CARM1: variants seen among roughly 807,000 people sequenced by gnomAD.
The protein encoded by CARM1 is coactivator associated arginine methyltransferase 1, also known as histone-arginine methyltransferase CARM1.
A neutral mutation model predicts 72.7 loss-of-function variants in CARM1; 14 were observed. That is an observed-to-expected ratio of 0.19 (90% CI 0.13 to 0.30). CARM1 has a LOEUF of 0.30. Ranked by LOEUF, CARM1 falls within the 10% of genes least tolerant of loss-of-function variation. CARM1 has a pLI of 1.00. For missense variants in CARM1, 432 were observed against 833.7 expected (o/e 0.52, Z 5.93); for synonymous variants, 333 against 345.5 (o/e 0.96, Z 0.40).
At chr19:10,874,995 G>A (rs1477127985) in intron 1 of CARM1, among the ~76,000 whole-genome samples, 1 of 151,326 alleles carries the variant, frequency 6.6e-6, no homozygotes, top group Non-Finnish European at 1.5e-5. Context: ...CTGCATGTCA[G>A]CCTGGGTGAC....
intron 1 of CARM1, among the ~76,000 whole-genome samples, chr19:10,889,941 GGGGCCATAAAT>G (rs1263246539): frequency 6.6e-6 from 1 of 152,166 alleles, no homozygotes; most frequent in East Asian, 1.9e-4. Flanking sequence ...GGCTTTTGGA[GGGGCCATAAAT>G]GGCCTGAAAA....
In CARM1 at chr19:10,922,061, T is replaced by A; in HGVS notation, c.*304T>A. ...TTGTCATCTGCTGGAACAGGCGCCA[T>A]GGGGCCTGCCAGCCCTGCCTGCCAG... On this transcript the variant is annotated 3_prime_UTR_variant, in exon 16 of 16. Coordinates refer to ENST00000327064, the MANE Select transcript of CARM1 (RefSeq NM_199141.2). 1 of 224,926 alleles carries A rather than the reference T, an allele frequency of 4.4e-6. No individual in the cohort carries two copies. The allele number at this position is 224,926 out of a possible 1,614,324, so 13.9% of individuals were successfully genotyped here.
intron 1 of CARM1, among the ~76,000 whole-genome samples, chr19:10,895,374 G>C (rs1057180248): frequency 2.6e-5 from 4 of 152,226 alleles, no homozygotes; most frequent in Non-Finnish European, 5.9e-5. Context: ...CAAAGTGCTG[G>C]GATTACAGGC....
In CARM1 at chr19:10,912,392, G is replaced by T. The variant is rs1272339438; in HGVS notation, c.669+98G>T. 1.5e-5 allele frequency: 13 copies of T among 844,684 alleles called. No homozygotes were observed. The Admixed American group carries it at 2.4e-4, about 15-fold the overall frequency. The allele number at this position is 844,684 out of a possible 1,614,324, so 52.3% of individuals were successfully genotyped here. A position where few individuals can be genotyped will look rare whatever the true frequency, so the allele number is the denominator to read the frequency against. ...GCTTGGGAACCCCCAGGGGCCTGGG[G>T]ACATTACTTCTGTGCTTTGGTCTCT... On this transcript the variant is annotated intron_variant, in intron 5 of 15. Coordinates refer to ENST00000327064, the MANE Select transcript of CARM1 (RefSeq NM_199141.2). The surrounding 1 kb of genome is among the most constrained non-coding windows in gnomAD (Gnocchi z 4.5).
Position 10,921,742 on chromosome 19 carries a change from G to A in CARM1, c.1812G>A (p.Met604Ile). The A allele has an allele frequency of 6.2e-7, 1 of 1,607,182 alleles. No individual in the cohort carries two copies. The highest frequency in any genetic ancestry group is 8.5e-7 in the Non-Finnish European group (1 of 1,175,710). ...ASPMSIPTNT[M>I]HYGS ...CCATGTCCATCCCGACCAACACCAT[G>A]CACTACGGGAGCTAGGGGCCCGCCC... Residue 604 changes from methionine to isoleucine, a missense_variant, in exon 16 of 16, where the codon ATG (methionine) becomes ATA (isoleucine). Around this residue, in one of 3 missense-constraint regions of CARM1, gnomAD observed 142 missense variants for 188.7 expected, o/e 0.75. Coordinates refer to ENST00000327064, the MANE Select transcript of CARM1 (RefSeq NM_199141.2).
intron 2 of CARM1, among the ~76,000 whole-genome samples, chr19:10,906,725 A>G (rs2074106933): frequency 6.6e-6 from 1 of 152,104 alleles, no homozygotes; most frequent in South Asian, 2.1e-4. Context: ...TCCGCCTCCC[A>G]AAGTGCTAGG....
At chr19:10,919,775 G>A (rs1427557285) in intron 9 of CARM1, 95 bp downstream of exon 9, 10 of 1,499,890 alleles carry the variant, frequency 6.7e-6, no homozygotes, top group Middle Eastern at 1.7e-4. Flanking sequence ...TCCCAGGGCA[G>A]ATGGTGGGCG....
At position 10,885,020 on chromosome 19, in the gene CARM1, ATTG is replaced by A. The variant is rs1372478163; in HGVS notation, c.220+13104_220+13106del. Among the ~76,000 whole-genome samples, 4 of 152,118 alleles carry A rather than the reference ATTG, an allele frequency of 2.6e-5. No homozygotes were observed. The East Asian group carries it at 7.7e-4, about 29-fold the overall frequency. ...CATGCCTGGCCGCTTATTTATTTTA[ATTG>A]TTGTTTAGTCAGTACACACACATGC... On this transcript the variant is annotated intron_variant, in intron 1 of 15. Coordinates refer to ENST00000327064, the MANE Select transcript of CARM1 (RefSeq NM_199141.2).
At chr19:10,875,570 GCCCGCCA>G (rs1223288048) in intron 1 of CARM1, among the ~76,000 whole-genome samples, 3 of 151,800 alleles carry the variant, frequency 2.0e-5, no homozygotes, top group African/African-American at 7.3e-5. Context: ...GACTACAGGC[GCCCGCCA>G]CCACGCCCGG....
rs781585933 is a variant in CARM1, at chr19:10,921,098, G to A, written c.1586G>A (p.Ser529Asn). The A allele has an allele frequency of 3.7e-6, 6 of 1,614,152 alleles. No homozygotes were observed. Among genetic ancestry groups the A allele is most frequent in the Admixed American group, 1.7e-5 (1 of 60,026 alleles). The change falls in exon 14 of 16, where the codon AGC becomes AAC. Residue 529 changes from serine (S) to asparagine (N), a missense_variant. Around this residue, in one of 3 missense-constraint regions of CARM1, gnomAD observed 142 missense variants for 188.7 expected, o/e 0.75. Coordinates refer to ENST00000327064, the MANE Select transcript of CARM1 (RefSeq NM_199141.2). ...AGCAGTGTTATTGCCAGTGGCTCCA[G>A]CGTGGGCCACAACAACCTGATTCCT... ...DLSSVIASGSSVGHNNLIPLA... is the reference protein window; with the variant it reads ...DLSSVIASGSNVGHNNLIPLA...
Position 10,923,056 on chromosome 19 carries a change from G to GTGTT in CARM1, c.*1302_*1305dup. The GTGTT allele has an allele frequency of 2.0e-6, 1 of 493,002 alleles. No homozygotes were observed. The allele number at this position is 493,002 out of a possible 1,614,324, so 30.5% of individuals were successfully genotyped here. ...AATCACCTTTGCATAGAAAATAAAA[G>GTGTT]TGTTTGCTTTGTAAGAAAAGTCTGG... On this transcript the variant is annotated 3_prime_UTR_variant, in exon 16 of 16. Transcript: ENST00000327064.
chr19:10,891,735 A>T (rs569291838), intron 1 of CARM1, among the ~76,000 whole-genome samples: 1 of 152,196 alleles, frequency 6.6e-6, no homozygotes, highest in African/African-American at 2.4e-5. Flanking sequence ...TCTTTCATGT[A>T]CAAGGGAGAA....
In CARM1 at chr19:10,920,401, G is replaced by T; in HGVS notation, c.1197-35G>T. ...GGTGGTGGCTCCAGTGGTGGCGCCG[G>T]CCCAGTCAAGTATGTGCCTGTCCCT... is the stretch of plus-strand genomic sequence containing the variant. On this transcript the variant is annotated intron_variant, in intron 10 of 15. Coordinates refer to ENST00000327064, the MANE Select transcript of CARM1 (RefSeq NM_199141.2). This position sits in a 1 kb window ranked among gnomAD's most constrained non-coding sequence, Gnocchi z 5.3. The T allele has an allele frequency of 6.3e-7, 1 of 1,592,458 alleles. No homozygotes were observed. Among genetic ancestry groups the T allele is most frequent in the Non-Finnish European group, 8.6e-7 (1 of 1,164,386 alleles).
In CARM1 at chr19:10,919,703, C is replaced by T. The variant is rs200534485; in HGVS notation, c.1106+23C>T. On this transcript the variant is annotated intron_variant, in intron 9 of 15. Transcript: ENST00000327064. ...CAGGTACTGGCACCCACACTCCATC[C>T]TCCCAGGCCTGGCTCAGGCCGAAGG... The T allele has an allele frequency of 3.3e-5, 52 of 1,596,758 alleles. No homozygotes were observed. The African/African-American group carries it at 6.8e-4, about 21-fold the overall frequency.
intron 1 of CARM1, among the ~76,000 whole-genome samples, chr19:10,895,109 C>CT (rs542922221): frequency 6.6e-5 from 10 of 150,426 alleles, no homozygotes; most frequent in East Asian, 3.9e-4. Context: ...GGGAGGTTCT[C>CT]TTTTTTTTTC....
chr19:10,871,988 G>A lies in CARM1; in HGVS notation c.220+66G>A. 1 of 1,149,518 alleles carries A rather than the reference G, an allele frequency of 8.7e-7. No individual in the cohort carries two copies. The highest frequency in any genetic ancestry group is 1.1e-6 in the Non-Finnish European group (1 of 932,188). The allele number at this position is 1,149,518 out of a possible 1,614,324, so 71.2% of individuals were successfully genotyped here. On this transcript the variant is annotated intron_variant, in intron 1 of 15. Coordinates refer to ENST00000327064, the MANE Select transcript of CARM1 (RefSeq NM_199141.2). This position sits in a 1 kb window ranked among gnomAD's most constrained non-coding sequence, Gnocchi z 5.6. Reference sequence around the variant, plus strand: ...CTCACGAGGCCGGCCCGGGGCGGGGGCCGGCGGGGAGGGGCCCTGAGCGCG... The same window carrying A: ...CTCACGAGGCCGGCCCGGGGCGGGGACCGGCGGGGAGGGGCCCTGAGCGCG...
Position 10,871,583 on chromosome 19 carries a change from A to AGCGGCGGCGGCGGCGGCGGCGGCGGCG in CARM1, c.-115_-114insGGCGGCGGCGGCGGCGGCGGCGGCGGC, listed in dbSNP as rs1179936865. 1.3e-5 allele frequency: 1 copy of AGCGGCGGCGGCGGCGGCGGCGGCGGCG among 76,394 alleles called. No homozygotes were observed. Among genetic ancestry groups the AGCGGCGGCGGCGGCGGCGGCGGCGGCG allele is most frequent in the Admixed American group, 1.2e-4 (1 of 8,024 alleles). The allele number at this position is 76,394 out of a possible 1,614,324, so 4.7% of individuals were successfully genotyped here. On this transcript the variant is annotated 5_prime_UTR_variant, in exon 1 of 16. Transcript: ENST00000327064. This position sits in a 1 kb window ranked among gnomAD's most constrained non-coding sequence, Gnocchi z 5.6. ...CCTGCACGGCGGCTGCGGCGGCGGT[A>AGCGGCGGCGGCGGCGGCGGCGGCGGCG]GCGGCAGCGGCGGCGGCGGCGGCGG...
chr19:10,890,743 A>T (rs2073979133), intron 1 of CARM1, among the ~76,000 whole-genome samples: 1 of 144,976 alleles, frequency 6.9e-6, no homozygotes, highest in East Asian at 2.0e-4. Flanking sequence ...ATATATACAC[A>T]TGCATATACA....
At chr19:10,909,405 T>C (rs12976693) in intron 4 of CARM1, among the ~76,000 whole-genome samples, 198 bp downstream of exon 4, 28,979 of 151,894 alleles carry the variant, frequency 0.19, 3,376 homozygotes, top group Middle Eastern at 0.31. Context: ...CACTCCAGCC[T>C]GGGCGACAGA....
Sources: allele counts gnomAD v4.1 joint callset (sites outside exome capture counted in the v4.1 genomes callset), GRCh38; gene constraint gnomAD v4.1.1; regional missense constraint gnomAD v4.1.1; non-coding constraint Gnocchi (gnomAD v3.1); transcripts MANE v1.5; gene names NCBI Gene and HGNC (gene_info 2026-07-23, HGNC 2026-07-21).